The following ELOVL5 variants were observed in gnomAD, a reference collection of about 807,000 sequenced individuals.
ELOVL5 encodes the protein very long chain fatty acid elongase 5.
A neutral mutation model predicts 38.6 loss-of-function variants in ELOVL5; 8 were observed. The ratio of observed to expected loss-of-function variants is 0.21; its 90% confidence interval spans 0.12 to 0.37. ELOVL5 has a LOEUF of 0.37. ELOVL5 is among the 10% of genes least tolerant of loss of function. ELOVL5 has a pLI of 1.00. For missense variants in ELOVL5, 280 were observed against 367.8 expected, an observed-to-expected ratio of 0.76 and a Z score of 1.95; for synonymous variants, 127 against 133.7, an observed-to-expected ratio of 0.95 and a Z score of 0.34.
chr6:53,299,363 A>C (rs1767153039), intron 1 of ELOVL5, among the ~76,000 whole-genome samples: 1 of 152,234 alleles, frequency 6.6e-6, no homozygotes, highest in Non-Finnish European at 1.5e-5. Flanking sequence ...GAAATAAAGA[A>C]GCTGGAAACA....
chr6:53,324,270 A>G (rs6458917), intron 1 of ELOVL5, among the ~76,000 whole-genome samples: 124,897 of 139,116 alleles, frequency 0.9, 56,316 homozygotes, highest in East Asian at 0.95. Context: ...AAAAAAAAAA[A>G]AAAAAGAAAA....
At chr6:53,336,477 C>T (rs555377348) in intron 1 of ELOVL5, among the ~76,000 whole-genome samples, 145 of 152,260 alleles carry the variant, frequency 9.5e-4, no homozygotes, top group Non-Finnish European at 1.5e-3. Flanking sequence ...CTGGGCAACA[C>T]GGTGAAACCT....
At chr6:53,329,978 A>G (rs1768715735) in intron 1 of ELOVL5, among the ~76,000 whole-genome samples, 1 of 152,248 alleles carries the variant, frequency 6.6e-6, no homozygotes, top group African/African-American at 2.4e-5. Flanking sequence ...TCTTAATGGC[A>G]AATAACCCAA....
intron 1 of ELOVL5, among the ~76,000 whole-genome samples, chr6:53,315,479 T>C (rs1185546051): frequency 6.6e-6 from 1 of 152,150 alleles, no homozygotes; most frequent in Non-Finnish European, 1.5e-5. Context: ...TTGACACTTT[T>C]AAAAAACCTA....
Position 53,269,203 on chromosome 6 carries a change from G to A in ELOVL5, c.824C>T (p.Ala275Val). 3.1e-6 allele frequency: 5 copies of A among 1,613,900 alleles called. No homozygotes were observed. The highest frequency in any genetic ancestry group is 4.2e-6 in the Non-Finnish European group (5 of 1,179,814). Residue 275 changes from alanine to valine, a missense_variant, in exon 8 of 8, where the codon GCT (alanine) becomes GTT (valine). By Grantham distance (64) the Ala-to-Val change is moderately conservative. This residue lies in a region of ELOVL5 where 125 missense variants were observed against 158.9 expected (regional missense o/e 0.79). Transcript: ENST00000304434. ...HLKDHQNGSM[A>V]AVNGHTNSFS... ...GCTGTTGGTGTGTCCATTCACAGCA[G>A]CCATGGACCCATTCTGGTGGTCCTT...
chr6:53,324,714 G>C (rs1265081917), intron 1 of ELOVL5, among the ~76,000 whole-genome samples: 1 of 143,752 alleles, frequency 7.0e-6, no homozygotes, highest in Non-Finnish European at 1.5e-5. Flanking sequence ...GAATCAGGAA[G>C]GAGGGCAGAA....
intron 1 of ELOVL5, among the ~76,000 whole-genome samples, chr6:53,321,172 G>T (rs1006472878): frequency 6.6e-6 from 1 of 152,120 alleles, no homozygotes; most frequent in African/African-American, 2.4e-5. Flanking sequence ...GGTCATACTC[G>T]CAATTGACAG....
chr6:53,276,439 A>G (rs1409347760), intron 3 of ELOVL5, among the ~76,000 whole-genome samples, 183 bp from the exon 4 acceptor site: 2 of 152,168 alleles, frequency 1.3e-5, no homozygotes, highest in East Asian at 1.9e-4. Flanking sequence ...TTGAGTCTCA[A>G]TTTCCTAAGG....
At chr6:53,272,497 A>C (rs576753522) in intron 6 of ELOVL5, among the ~76,000 whole-genome samples, 2 of 152,240 alleles carry the variant, frequency 1.3e-5, no homozygotes. Flanking sequence ...TGTACTTAGT[A>C]TGAGTACCCA....
At chr6:53,341,700 G>T (rs1769338600) in intron 1 of ELOVL5, among the ~76,000 whole-genome samples, 1 of 152,322 alleles carries the variant, frequency 6.6e-6, no homozygotes, top group East Asian at 1.9e-4. Flanking sequence ...TTGCCCAGCT[G>T]TAGCATGATT....
chr6:53,285,955 C>T (rs755519072), intron 3 of ELOVL5, among the ~76,000 whole-genome samples: 69 of 151,950 alleles, frequency 4.5e-4, no homozygotes, highest in South Asian at 6.2e-4. Context: ...AGATTTAATG[C>T]GATTGCACAC....
intron 3 of ELOVL5, among the ~76,000 whole-genome samples, chr6:53,276,694 C>T (rs1766144318): frequency 6.6e-6 from 1 of 151,998 alleles, no homozygotes; most frequent in Non-Finnish European, 1.5e-5. Context: ...AACATGGGTC[C>T]CTGGGGGTGT....
rs199671506 is a variant in ELOVL5 at position 53,276,275 on chromosome 6, C to A, written c.247-19G>T. 80 of 1,533,884 alleles carry A rather than the reference C, an allele frequency of 5.2e-5. No homozygotes were observed. Among genetic ancestry groups the A allele is most frequent in the Non-Finnish European group, 6.3e-5 (70 of 1,107,650 alleles). On this transcript the variant is annotated intron_variant, in intron 3 of 7. Transcript: ENST00000304434. ...TTACTAACTAAAAAAGAAGAAAGAG[C>A]CAGTCACCAACAGCATCTGAGCCAT...
chr6:53,271,844 T>C (rs1055290656), intron 6 of ELOVL5, among the ~76,000 whole-genome samples: 4 of 152,106 alleles, frequency 2.6e-5, no homozygotes, highest in African/African-American at 9.7e-5. Context: ...ACAACCTGGG[T>C]AGGTTTAATC....
intron 5 of ELOVL5, 108 bp from the exon 6 acceptor site, chr6:53,273,452 G>A: frequency 9.7e-7 from 1 of 1,029,596 alleles, no homozygotes; most frequent in Non-Finnish European, 1.4e-6. Context: ...AAAGAGAGAT[G>A]ACTTCCAACG....
intron 3 of ELOVL5, among the ~76,000 whole-genome samples, chr6:53,283,192 A>G (rs1766426653): frequency 6.6e-6 from 1 of 152,152 alleles, no homozygotes; most frequent in Admixed American, 6.5e-5. Context: ...CACAGCAAAA[A>G]CTCCAACACA....
In ELOVL5 at chr6:53,330,024, T is replaced by C. The variant is rs145847731; in HGVS notation, c.-9+18793A>G. Among the ~76,000 whole-genome samples the C allele has an allele frequency of 3.8e-3, 584 of 152,300 alleles. 2 individuals carry two copies. Among genetic ancestry groups the C allele is most frequent in the African/African-American group, 0.012 (516 of 41,558 alleles). ...AAAATAAAGAACTTCTACAGACGCG[T>C]CACTTAACAATGGCAATACATTCTT... On this transcript the variant is annotated intron_variant, in intron 1 of 7. Transcript: ENST00000304434.
intron 1 of ELOVL5, among the ~76,000 whole-genome samples, chr6:53,315,354 T>A (rs1767986002): frequency 6.6e-6 from 1 of 152,288 alleles, no homozygotes; most frequent in Non-Finnish European, 1.5e-5. Context: ...CTTTGGGGGT[T>A]AGGGTTTCAA....
intron 6 of ELOVL5, among the ~76,000 whole-genome samples, chr6:53,271,568 A>C (rs1002400256): frequency 2.0e-4 from 30 of 151,202 alleles, no homozygotes; most frequent in East Asian, 3.9e-4. Flanking sequence ...CCCTCCCCCC[A>C]AAAAAAGGGC....
Sources: gnomAD v4.1 joint callset for allele counts (sites outside exome capture counted in the v4.1 genomes callset) on GRCh38, gnomAD v4.1.1 for gene constraint, gnomAD v4.1.1 regional missense constraint, MANE v1.5 for transcripts, NCBI Gene and HGNC (gene_info 2026-07-23, HGNC 2026-07-21) for gene names.